The following CYB5RL variants were observed in gnomAD, a reference collection of about 807,000 sequenced individuals.
CYB5RL encodes NADH-cytochrome b5 reductase-like.
In CYB5RL, 38 loss-of-function variants were observed where a neutral mutation model predicts 37.5. That is an observed-to-expected ratio of 1.01 (90% CI 0.78 to 1.33). CYB5RL has a LOEUF of 1.33. CYB5RL is among the 40% of genes most tolerant of loss of function. The pLI is 0.00. For synonymous variants in CYB5RL, 141 were observed against 151.9 expected (o/e 0.93, Z 0.53); for missense variants, 388 against 394.4 (o/e 0.98, Z 0.14).
rs556729431 is a variant in CYB5RL at position 54,172,618 on chromosome 1, A to C, written c.*2001T>G. 1 of 152,384 alleles carries C rather than the reference A, an allele frequency of 6.6e-6. No individual in the cohort carries two copies. Among genetic ancestry groups the C allele is most frequent in the Admixed American group, 6.5e-5 (1 of 15,298 alleles). 9.4% of individuals were successfully genotyped at this position (152,384 alleles called of 1,614,324 possible). A position where few individuals can be genotyped will look rare whatever the true frequency, so the allele number is the denominator to read the frequency against. On this transcript the variant is annotated 3_prime_UTR_variant, in exon 8 of 8. Coordinates refer to ENST00000534324, the MANE Select transcript of CYB5RL (RefSeq NM_001031672.4). ...CTGCACTTACCTTTTCATGACACCC[A>C]TCACTTTTAGACTTACAGGTTGAAT...
intron 5 of CYB5RL, among the ~76,000 whole-genome samples, chr1:54,187,282 C>G (rs913874328): frequency 2.0e-5 from 3 of 152,116 alleles, no homozygotes; most frequent in African/African-American, 7.2e-5. Context: ...TCTATTTCAC[C>G]CCTCCCAACC....
intron 7 of CYB5RL, among the ~76,000 whole-genome samples, chr1:54,176,938 G>A (rs1392339771): frequency 1.3e-5 from 2 of 152,204 alleles, no homozygotes; most frequent in Non-Finnish European, 2.9e-5. Context: ...AGAGGTGGGA[G>A]GTGAGGAAAG....
chr1:54,196,722 C>A (rs1447494635), intron 1 of CYB5RL, among the ~76,000 whole-genome samples: 1 of 152,152 alleles, frequency 6.6e-6, no homozygotes, highest in East Asian at 1.9e-4. Context: ...CTAACCACTA[C>A]AGTTCAGCTT....
At chr1:54,188,358 A>T (rs1013629046) in intron 4 of CYB5RL, among the ~76,000 whole-genome samples, 1 of 152,186 alleles carries the variant, frequency 6.6e-6, no homozygotes, top group African/African-American at 2.4e-5. Context: ...GTTGTTTTGG[A>T]GACATGACTG....
intron 2 of CYB5RL, among the ~76,000 whole-genome samples, 175 bp downstream of exon 2, chr1:54,196,194 T>C (rs1032542163): frequency 2.0e-5 from 3 of 152,322 alleles, no homozygotes; most frequent in South Asian, 2.1e-4. Flanking sequence ...TTTTGTTTTG[T>C]TTTGTTTTGC....
Position 54,179,342 on chromosome 1 carries a change from A to T in CYB5RL, c.551T>A (p.Leu184His), listed in dbSNP as rs1660101247. 8 of 1,612,824 alleles carry T rather than the reference A, an allele frequency of 5.0e-6. No homozygotes were observed. Among genetic ancestry groups the T allele is most frequent in the Non-Finnish European group, 6.8e-6 (8 of 1,179,674 alleles). Residue 184 changes from leucine to histidine, a missense_variant, in exon 7 of 8, where the codon CTC becomes CAC. Physicochemically the swap from Leu to His is moderately conservative, Grantham distance 99. Coordinates refer to ENST00000534324, the MANE Select transcript of CYB5RL (RefSeq NM_001031672.4). The part of the protein sequence containing the change: ...FFYKPNQYGE[L>H]LLLAAGTGLA... Reference sequence around the variant, plus strand: ...GCCCGTGCCCGCAGCCAGCAAGAGGAGCTCACCATACTGGGGAACAGAAGG... The same window carrying T: ...GCCCGTGCCCGCAGCCAGCAAGAGGTGCTCACCATACTGGGGAACAGAAGG...
At position 54,179,058 on chromosome 1, in the gene CYB5RL, T is replaced by C. The variant is rs1660090217; in HGVS notation, c.744+91A>G. On this transcript the variant is annotated intron_variant, in intron 7 of 7. Coordinates refer to ENST00000534324, the MANE Select transcript of CYB5RL (RefSeq NM_001031672.4). Reference sequence around the variant, plus strand: ...GCAGGGATTATGACCACAGCATCCATTGCCAAAAGAGGCTAGAGCTGGTCC... The same window carrying C: ...GCAGGGATTATGACCACAGCATCCACTGCCAAAAGAGGCTAGAGCTGGTCC... The C allele has an allele frequency of 2.8e-6, 4 of 1,441,918 alleles. No homozygotes were observed. In the Admixed American group the frequency reaches 6.0e-5, roughly 21 times the overall value. 89.3% of individuals were successfully genotyped at this position (1,441,918 alleles called of 1,614,324 possible).
chr1:54,199,972 T>C lies in CYB5RL; in HGVS notation c.-223+4A>G, dbSNP rs1001790984. 1.4e-5 allele frequency: 7 copies of C among 493,386 alleles called. No homozygotes were observed. Among genetic ancestry groups the C allele is most frequent in the Non-Finnish European group, 2.1e-5 (6 of 279,554 alleles). The allele number at this position is 493,386 out of a possible 1,614,324, so 30.6% of individuals were successfully genotyped here. On this transcript the variant is annotated splice_donor_region_variant and intron_variant, in intron 1 of 7. Transcript: ENST00000534324. ...GCGATTCTCCACCCACCACGACCAC[T>C]CACCTACTCGCCTGCGCTTCACCTC...
intron 3 of CYB5RL, among the ~76,000 whole-genome samples, chr1:54,194,080 C>T (rs1398582676): frequency 6.7e-6 from 1 of 150,354 alleles, no homozygotes; most frequent in African/African-American, 2.4e-5. Flanking sequence ...TTCAGAGAAA[C>T]AACTGCAAGG....
At chr1:54,180,572 C>G (rs1490980012) in intron 6 of CYB5RL, among the ~76,000 whole-genome samples, 1 of 151,674 alleles carries the variant, frequency 6.6e-6, no homozygotes, top group Non-Finnish European at 1.5e-5. Flanking sequence ...CCACTGCACT[C>G]CAGCCTGGGT....
At chr1:54,199,813 G>A (rs1393927660) in intron 1 of CYB5RL, among the ~76,000 whole-genome samples, 163 bp downstream of exon 1, 1 of 152,214 alleles carries the variant, frequency 6.6e-6, no homozygotes, top group East Asian at 1.9e-4. Context: ...CGCTGTACAG[G>A]TGCAACAGCT....
At position 54,195,430 on chromosome 1, in the gene CYB5RL, GC is replaced by G; in HGVS notation, c.186del (p.Pro63GlnfsTer10). The G allele has an allele frequency of 1.3e-6, 2 of 1,597,402 alleles. No homozygotes were observed. The highest frequency in any genetic ancestry group is 1.7e-6 in the Non-Finnish European group (2 of 1,168,800). On this transcript the variant is annotated frameshift_variant, in exon 3 of 8. Transcript: ENST00000534324. LOFTEE classifies it high-confidence loss of function. ...QASKDRSLLR[G>X]PESQSCPSKL... ...GCAGCCTCTCTCACCTGTGACTCTG[GC>G]CCACGCAGCAGGCTCCTGTCCTTGC...
rs145931531 is a variant in CYB5RL, at chr1:54,182,132, G to A, written c.540+2029C>T. 8.4e-3 allele frequency among the ~76,000 whole-genome samples: 1,287 copies of A among 152,314 alleles called. 18 individuals carry two copies. The highest frequency in any genetic ancestry group is 0.03 in the African/African-American group (1,232 of 41,552). On this transcript the variant is annotated intron_variant, in intron 6 of 7. Transcript: ENST00000534324. ...TTCCATTCCCTGCTCTCAAGCATCT[G>A]GGGGATGCAGGGTCTAAAATGCAAG...
At chr1:54,185,302 T>G (rs529202464) in intron 5 of CYB5RL, 2 of 148,026 alleles carry the variant, frequency 1.4e-5, no homozygotes, top group African/African-American at 4.8e-5. Context: ...GAGTTGGACC[T>G]TGAAAGATGG....
At chr1:54,193,168 AG>A (rs1643972191) in intron 3 of CYB5RL, among the ~76,000 whole-genome samples, 1 of 152,240 alleles carries the variant, frequency 6.6e-6, no homozygotes, top group Non-Finnish European at 1.5e-5. Flanking sequence ...TATGGTACTT[AG>A]TAGATCTTGG....
intron 7 of CYB5RL, among the ~76,000 whole-genome samples, chr1:54,177,614 T>C (rs549341366): frequency 1.3e-5 from 2 of 152,296 alleles, no homozygotes; most frequent in Admixed American, 1.3e-4. Flanking sequence ...CTTGCTGTGT[T>C]ACCCTGGGCA....
intron 3 of CYB5RL, among the ~76,000 whole-genome samples, chr1:54,194,108 C>T (rs1007823223): frequency 6.0e-5 from 9 of 151,020 alleles, no homozygotes; most frequent in Admixed American, 2.0e-4. Flanking sequence ...TGGTGGCTCA[C>T]GCCTCTAATC....
chr1:54,175,758 T>C (rs1280392826), intron 7 of CYB5RL: 2 of 355,820 alleles, frequency 5.6e-6, no homozygotes, highest in Non-Finnish European at 1.1e-5. Context: ...TACTCAACAT[T>C]TACATTGTAT....
At position 54,170,626 on chromosome 1, in the gene CYB5RL, T is replaced by C. The variant is rs926507767; in HGVS notation, c.*3993A>G. 2 of 168,202 alleles carry C rather than the reference T, an allele frequency of 1.2e-5. No homozygotes were observed. The highest frequency in any genetic ancestry group is 2.6e-5 in the Non-Finnish European group (2 of 76,226). The allele number at this position is 168,202 out of a possible 1,614,324, so 10.4% of individuals were successfully genotyped here. On this transcript the variant is annotated 3_prime_UTR_variant, in exon 8 of 8. Transcript: ENST00000534324. ...CGGGGTTTCACCGTGTTAGCCAGGA[T>C]GGTCTCAATCTCCTGACCTCGTGAT...
Sources: allele counts gnomAD v4.1 joint callset (sites outside exome capture counted in the v4.1 genomes callset), GRCh38; gene constraint gnomAD v4.1.1; transcripts MANE v1.5; gene names NCBI Gene and HGNC (gene_info 2026-07-23, HGNC 2026-07-21).